Variants in DGCR2 observed in about 807,000 individuals in gnomAD.
The protein encoded by DGCR2 is integral membrane protein DGCR2/IDD.
Under a neutral mutation model 51.6 loss-of-function variants are expected in DGCR2, and 24 were observed. That is an observed-to-expected ratio of 0.47 (90% CI 0.34 to 0.65). The LOEUF is 0.65. Among genes scored for constraint, DGCR2 ranks in the 30% least tolerant of loss-of-function variants. The pLI, the probability that DGCR2 is intolerant of heterozygous loss-of-function variation, is 0.01. For synonymous variants in DGCR2, 340 were observed against 315.4 expected (o/e 1.08, Z -0.82); for missense variants, 765 against 772.1 (o/e 0.99, Z 0.11).
chr22:19,086,274 G>C (rs993576921), intron 2 of DGCR2, among the ~76,000 whole-genome samples: 3 of 152,056 alleles, frequency 2.0e-5, no homozygotes, highest in East Asian at 1.9e-4. Context: ...TCAGGAGATC[G>C]AGACGATCCT....
intron 1 of DGCR2, among the ~76,000 whole-genome samples, chr22:19,092,094 T>A (rs112130979): frequency 0.017 from 2,549 of 151,516 alleles, 74 homozygotes; most frequent in African/African-American, 0.059. Context: ...ACACCTGTAA[T>A]CCCAACACTT....
chr22:19,097,524 C>T (rs1044074835), intron 1 of DGCR2, among the ~76,000 whole-genome samples: 1 of 152,122 alleles, frequency 6.6e-6, no homozygotes, highest in African/African-American at 2.4e-5. Context: ...TGCACTCCAG[C>T]CTGGGCGACA....
chr22:19,062,774 T>TTCTCTTTCTCTC (rs1569052709), intron 5 of DGCR2, among the ~76,000 whole-genome samples: 1 of 113,872 alleles, frequency 8.8e-6, no homozygotes, highest in Non-Finnish European at 1.9e-5. Context: ...CACACATGCA[T>TTCTCTTTCTCTC]GCTCACTCTC....
chr22:19,077,963 G>C (rs1156549696), intron 2 of DGCR2, among the ~76,000 whole-genome samples: 3 of 151,978 alleles, frequency 2.0e-5, no homozygotes, highest in African/African-American at 7.3e-5. Context: ...TGAGTAGCTG[G>C]GACTACAGGT....
intron 5 of DGCR2, among the ~76,000 whole-genome samples, chr22:19,062,886 G>A (rs948978485): frequency 4.6e-5 from 7 of 151,592 alleles, no homozygotes; most frequent in Middle Eastern, 3.4e-3. Flanking sequence ...CCTCCAGCCT[G>A]CCAGGGGCAC....
Position 19,079,796 on chromosome 22 carries a change from T to C in DGCR2, c.202+9572A>G, listed in dbSNP as rs2082916258. On this transcript the variant is annotated intron_variant, in intron 2 of 9. Coordinates refer to ENST00000263196, the MANE Select transcript of DGCR2 (RefSeq NM_005137.3). ...CCCCACATTTAACCACGATATGACA[T>C]ACAGCAGAGCTGGCTGCCTCAGGCC... 2.0e-5 allele frequency among the ~76,000 whole-genome samples: 3 copies of C among 152,366 alleles called. No individual in the cohort carries two copies. The South Asian group carries it at 6.2e-4, about 32-fold the overall frequency.
intron 6 of DGCR2, among the ~76,000 whole-genome samples, chr22:19,049,552 C>T (rs1259834825): frequency 3.3e-5 from 5 of 152,080 alleles, no homozygotes; most frequent in Non-Finnish European, 5.9e-5. Flanking sequence ...GTCAGCTGGG[C>T]GCGGTGGCTC....
intron 1 of DGCR2, 193 bp downstream of exon 1, chr22:19,121,935 G>A (rs901872016): frequency 3.4e-5 from 10 of 291,230 alleles, no homozygotes; most frequent in Non-Finnish European, 6.2e-5. Flanking sequence ...CACGAAGTCC[G>A]AGGCGCCGCG....
chr22:19,076,723 C>CTTT lies in DGCR2; in HGVS notation c.203-8499_203-8498insAAA, dbSNP rs1228247995. On this transcript the variant is annotated intron_variant, in intron 2 of 9. Coordinates refer to ENST00000263196, the MANE Select transcript of DGCR2 (RefSeq NM_005137.3). ...GAAATGTCTACTCAAGTCCTTTGCA[C>CTTT]ATTTTTTTTTTTTTTTTTTTTTTTT... Among the ~76,000 whole-genome samples, 1,100 of 118,574 alleles carry CTTT rather than the reference C, an allele frequency of 9.3e-3. 10 individuals are homozygous for CTTT. The highest frequency in any genetic ancestry group is 0.011 in the Non-Finnish European group (600 of 56,650). 77.8% of individuals were successfully genotyped at this position (118,574 alleles called of 152,430 possible).
Position 19,084,736 on chromosome 22 carries a change from C to T in DGCR2, c.202+4632G>A, listed in dbSNP as rs1329434338. On this transcript the variant is annotated intron_variant, in intron 2 of 9. Transcript: ENST00000263196. ...AGGTGGGGGGTCAGCCCCCGCCCGGCCAGCCGCCCCGTCCGGGAGGGAGGT... is the reference window on the plus strand; with the variant it reads ...AGGTGGGGGGTCAGCCCCCGCCCGGTCAGCCGCCCCGTCCGGGAGGGAGGT... Among the ~76,000 whole-genome samples, 3 of 148,056 alleles carry T rather than the reference C, an allele frequency of 2.0e-5. No individual in the cohort carries two copies. The East Asian group carries it at 6.1e-4, about 30-fold the overall frequency.
chr22:19,070,863 C>T (rs959866768), intron 2 of DGCR2, among the ~76,000 whole-genome samples: 1 of 152,252 alleles, frequency 6.6e-6, no homozygotes, highest in African/African-American at 2.4e-5. Context: ...AGCACAGACA[C>T]AGGCCTTTGC....
rs1444265290 is a variant in DGCR2, at chr22:19,083,964, C to G, written c.202+5404G>C. Among the ~76,000 whole-genome samples, 7 of 152,294 alleles carry G rather than the reference C, an allele frequency of 4.6e-5. No individual in the cohort carries two copies. In the East Asian group the frequency reaches 9.7e-4, roughly 21 times the overall value. On this transcript the variant is annotated intron_variant, in intron 2 of 9. Transcript: ENST00000263196. ...CTCCAGCTCCTAACCTTGAGTGATCCGCCAGCCTCGGCCTCCCGAGGTGCC... is the reference window on the plus strand; with the variant it reads ...CTCCAGCTCCTAACCTTGAGTGATCGGCCAGCCTCGGCCTCCCGAGGTGCC...
In DGCR2 at chr22:19,040,764, G is replaced by A. The variant is rs1322895096; in HGVS notation, c.1396+294C>T. ...CTCCCCAGGTCTCTAGAGCTGGGCT[G>A]AGGGCCCTGAGGGCTGCCCAGATGA... On this transcript the variant is annotated intron_variant, in intron 9 of 9. Coordinates refer to ENST00000263196, the MANE Select transcript of DGCR2 (RefSeq NM_005137.3). 2.6e-5 allele frequency among the ~76,000 whole-genome samples: 4 copies of A among 152,234 alleles called. No individual in the cohort carries two copies. In the East Asian group the frequency reaches 5.8e-4, roughly 22 times the overall value.
At chr22:19,098,022 G>T (rs1468573512) in intron 1 of DGCR2, among the ~76,000 whole-genome samples, 3 of 152,166 alleles carry the variant, frequency 2.0e-5, no homozygotes, top group African/African-American at 7.2e-5. Context: ...CAACCAGACA[G>T]CTCTGGCTAA....
chr22:19,062,943 G>A (rs768095106), intron 5 of DGCR2, among the ~76,000 whole-genome samples: 1 of 152,044 alleles, frequency 6.6e-6, no homozygotes, highest in Non-Finnish European at 1.5e-5. Context: ...ACTTCAAAAG[G>A]AGGCGGGGGA....
intron 6 of DGCR2, among the ~76,000 whole-genome samples, chr22:19,052,306 C>T (rs1327130656): frequency 6.6e-6 from 1 of 152,080 alleles, no homozygotes; most frequent in Non-Finnish European, 1.5e-5. Context: ...ATCCCAGCTA[C>T]TCGGGAGGCT....
At chr22:19,078,088 C>T (rs79977577) in intron 2 of DGCR2, among the ~76,000 whole-genome samples, 4 of 152,182 alleles carry the variant, frequency 2.6e-5, no homozygotes, top group African/African-American at 4.8e-5. Flanking sequence ...CTTGGCCTCC[C>T]AAAATGCTGG....
intron 2 of DGCR2, among the ~76,000 whole-genome samples, chr22:19,069,021 CCCAAGG>C (rs2082783147): frequency 6.6e-6 from 1 of 152,244 alleles, no homozygotes; most frequent in South Asian, 2.1e-4. Flanking sequence ...GAGTGACTTA[CCCAAGG>C]CCATGGTGCA....
intron 7 of DGCR2, chr22:19,046,722 A>G (rs746951826): frequency 1.4e-5 from 6 of 431,872 alleles, no homozygotes; most frequent in African/African-American, 8.1e-5. Context: ...GCATGGCCAC[A>G]GGGCAGGCAG....
Sources: allele counts gnomAD v4.1 joint callset (sites outside exome capture counted in the v4.1 genomes callset), GRCh38; gene constraint gnomAD v4.1.1; transcripts MANE v1.5; gene names NCBI Gene and HGNC (gene_info 2026-07-23, HGNC 2026-07-21).